PHLPP2: variants seen among roughly 807,000 people sequenced by gnomAD.
PHLPP2 encodes PH domain leucine-rich repeat-containing protein phosphatase 2.
PHLPP2 carries 66 observed loss-of-function variants against 124.9 expected under a neutral mutation model. The observed-to-expected ratio is 0.53, with a 90% CI of 0.43 to 0.65. The LOEUF is 0.65. Ranked by LOEUF, PHLPP2 falls within the 30% of genes least tolerant of loss-of-function variation. The probability of loss-of-function intolerance (pLI) is 0.00; values close to 1 mark genes in which losing one functional copy is unlikely to be tolerated. For synonymous variants in PHLPP2, 681 were observed against 624.7 expected (o/e 1.09, Z -1.34); for missense variants, 1,685 against 1,600.4 (o/e 1.05, Z -0.90).
At chr16:71,654,207 A>AG (rs1292395297) in intron 17 of PHLPP2, among the ~76,000 whole-genome samples, 1 of 147,752 alleles carries the variant, frequency 6.8e-6, no homozygotes, top group African/African-American at 2.5e-5. Context: ...CAAAAAAGAA[A>AG]AAAAAAAAAA....
rs2044675849 is a variant in PHLPP2 at position 71,649,209 on chromosome 16, G to A, written c.3653C>T (p.Pro1218Leu). Reference sequence around the variant, plus strand: ...TAACTCCATCCTGTCCTTGCTCATTGGCAGGAGCATGCCACTATTCACACT... The same window carrying A: ...TAACTCCATCCTGTCCTTGCTCATTAGCAGGAGCATGCCACTATTCACACT... The part of the protein sequence containing the change: ...QNSVNSGMLL[P>L]MSKDRMELQK... Residue 1218 changes from proline to leucine, a missense_variant, in exon 19 of 19, where the codon CCA becomes CTA. Coordinates refer to ENST00000568954, the MANE Select transcript of PHLPP2 (RefSeq NM_015020.3). 6.2e-7 allele frequency: 1 copy of A among 1,613,854 alleles called. No individual in the cohort carries two copies.
chr16:71,662,879 G>GT (rs57080952), intron 13 of PHLPP2, among the ~76,000 whole-genome samples: 2 of 150,994 alleles, frequency 1.3e-5, no homozygotes, highest in African/African-American at 2.4e-5. Context: ...TTCTAAAGTT[G>GT]TTTTTTTTTT....
intron 10 of PHLPP2, among the ~76,000 whole-genome samples, chr16:71,671,642 C>T (rs1010931786): frequency 6.6e-6 from 1 of 151,876 alleles, no homozygotes; most frequent in Non-Finnish European, 1.5e-5. Flanking sequence ...TGGCTGGGCT[C>T]GGTGGCTCAC....
In PHLPP2 at chr16:71,658,237, A is replaced by G. The variant is rs778298634; in HGVS notation, c.2275T>C (p.Phe759Leu). The G allele has an allele frequency of 3.1e-6, 5 of 1,613,072 alleles. No homozygotes were observed. The highest frequency in any genetic ancestry group is 2.2e-5 in the South Asian group (2 of 90,882). The change falls in exon 15 of 19, where the codon TTT becomes CTT. Residue 759 changes from phenylalanine (F) to leucine (L), a missense_variant. By Grantham distance (22) the Phe-to-Leu change is conservative (BLOSUM62 0). Coordinates refer to ENST00000568954, the MANE Select transcript of PHLPP2 (RefSeq NM_015020.3). ...LVLEHKTLDI[F>L]SHITTLKIDQ... ...CCATTTCAAATTTTTTCCTACCTAAATATGTCCAGTGTCTTGTGTTCCAGA... is the reference window on the plus strand; with the variant it reads ...CCATTTCAAATTTTTTCCTACCTAAGTATGTCCAGTGTCTTGTGTTCCAGA...
At chr16:71,700,625 A>T (rs2045223462) in intron 3 of PHLPP2, among the ~76,000 whole-genome samples, 1 of 143,108 alleles carries the variant, frequency 7.0e-6, no homozygotes, top group African/African-American at 2.6e-5. Flanking sequence ...TCCCAGGTTG[A>T]CGCCATTCTC....
chr16:71,693,406 G>A (rs1173178702), intron 3 of PHLPP2, among the ~76,000 whole-genome samples: 1 of 152,182 alleles, frequency 6.6e-6, no homozygotes, highest in Non-Finnish European at 1.5e-5. Context: ...AACCTCAGAA[G>A]CAGCTTCAAC....
At position 71,692,093 on chromosome 16, in the gene PHLPP2, G is replaced by A. The variant is rs1177177782; in HGVS notation, c.419-1384C>T. ...TTACATAATTTTTTTTTTTTGAGAC[G>A]GAGTCTTGCTCTGTCGCCCAGGTTG... On this transcript the variant is annotated intron_variant, in intron 3 of 18. Coordinates refer to ENST00000568954, the MANE Select transcript of PHLPP2 (RefSeq NM_015020.3). 6.6e-5 allele frequency among the ~76,000 whole-genome samples: 10 copies of A among 151,154 alleles called. No homozygotes were observed. In the South Asian group the frequency reaches 1.3e-3, roughly 19 times the overall value.
chr16:71,685,869 T>C (rs1475576085), intron 4 of PHLPP2, among the ~76,000 whole-genome samples: 2 of 152,246 alleles, frequency 1.3e-5, no homozygotes, highest in Non-Finnish European at 2.9e-5. Context: ...GTTGAAATTA[T>C]ATTGTTACAT....
intron 2 of PHLPP2, among the ~76,000 whole-genome samples, chr16:71,714,023 T>C (rs1040110635): frequency 4.6e-5 from 7 of 151,076 alleles, no homozygotes; most frequent in Non-Finnish European, 8.9e-5. Flanking sequence ...CACCGCAACC[T>C]TGGTCTCCCA....
At chr16:71,679,943 C>T (rs572455244) in intron 6 of PHLPP2, among the ~76,000 whole-genome samples, 5 of 152,104 alleles carry the variant, frequency 3.3e-5, no homozygotes, top group East Asian at 3.9e-4. Flanking sequence ...ATTAGCCGGG[C>T]GTGGTGGCAG....
chr16:71,691,536 A>G (rs141766148), intron 3 of PHLPP2, among the ~76,000 whole-genome samples: 70 of 152,054 alleles, frequency 4.6e-4, no homozygotes, highest in South Asian at 1.7e-3. Flanking sequence ...TACTAAGCAT[A>G]GTTTTAGGTA....
chr16:71,652,071 CTG>C (rs937154544), intron 18 of PHLPP2, among the ~76,000 whole-genome samples: 3 of 152,150 alleles, frequency 2.0e-5, no homozygotes, highest in African/African-American at 7.2e-5. Context: ...CAAAAAAACA[CTG>C]TTAAAAGAAT....
chr16:71,647,380 G>A lies in PHLPP2; in HGVS notation c.*1510C>T, dbSNP rs1260847830. 6.6e-6 allele frequency: 1 copy of A among 152,576 alleles called. No homozygotes were observed. The highest frequency in any genetic ancestry group is 2.4e-5 in the African/African-American group (1 of 41,430). The allele number at this position is 152,576 out of a possible 1,614,324, so 9.5% of individuals were successfully genotyped here. On this transcript the variant is annotated 3_prime_UTR_variant, in exon 19 of 19. Transcript: ENST00000568954. ...CTTTCTTATGTTAGTATTGAGCCCAGTATTCTGAAACCACATAAAGTGAAT... is the reference window on the plus strand; with the variant it reads ...CTTTCTTATGTTAGTATTGAGCCCAATATTCTGAAACCACATAAAGTGAAT...
intron 2 of PHLPP2, among the ~76,000 whole-genome samples, chr16:71,704,475 T>A (rs945775738): frequency 6.6e-6 from 1 of 151,826 alleles, no homozygotes; most frequent in Non-Finnish European, 1.5e-5. Flanking sequence ...AAGCTGAACA[T>A]AAACAACTGT....
intron 3 of PHLPP2, among the ~76,000 whole-genome samples, chr16:71,695,004 C>T (rs1024993796): frequency 6.6e-6 from 1 of 152,074 alleles, no homozygotes; most frequent in African/African-American, 2.4e-5. Flanking sequence ...CCAGGATGGT[C>T]TCGATCTCCC....
intron 2 of PHLPP2, among the ~76,000 whole-genome samples, chr16:71,713,187 T>G (rs2145381723): frequency 6.6e-6 from 1 of 152,304 alleles, no homozygotes; most frequent in Middle Eastern, 3.4e-3. Context: ...TCTAAGTCAC[T>G]TGGCCTAGAA....
chr16:71,691,250 C>A (rs188393692), intron 3 of PHLPP2, among the ~76,000 whole-genome samples: 6 of 152,126 alleles, frequency 3.9e-5, no homozygotes, highest in South Asian at 2.1e-4. Context: ...GTCAGGAGAT[C>A]GAGACCATCC....
rs764231210 is a variant in PHLPP2 at position 71,649,715 on chromosome 16, G to C, written c.3147C>G (p.Leu1049=). The change falls in exon 19 of 19, where the codon CTC becomes CTG. Residue 1049 remains leucine (L), a synonymous_variant. Coordinates refer to ENST00000568954, the MANE Select transcript of PHLPP2 (RefSeq NM_015020.3). ...GCTCEMNGLT[L]PGPVGFASTT... is the part of the protein sequence containing the mutation. ...TTGAAGCAAATCCCACAGGACCTGG[G>C]AGGGTGAGCCCATTCATTTCACAAG... 5 of 1,614,072 alleles carry C rather than the reference G, an allele frequency of 3.1e-6. No homozygotes were observed. The highest frequency in any genetic ancestry group is 1.3e-5 in the African/African-American group (1 of 74,918).
At chr16:71,659,547 G>A (rs1390342965) in intron 13 of PHLPP2, among the ~76,000 whole-genome samples, 1 of 151,992 alleles carries the variant, frequency 6.6e-6, no homozygotes, top group Non-Finnish European at 1.5e-5. Flanking sequence ...CACCGCACCC[G>A]GCCCATCACT....
Sources: gnomAD v4.1 joint callset for allele counts (sites outside exome capture counted in the v4.1 genomes callset) on GRCh38, gnomAD v4.1.1 for gene constraint, MANE v1.5 for transcripts, NCBI Gene and HGNC (gene_info 2026-07-23, HGNC 2026-07-21) for gene names.